Variants in SLC35F4 observed in about 807,000 individuals in gnomAD.
The protein encoded by SLC35F4 is solute carrier family 35 member F4.
Under a neutral mutation model 44.2 loss-of-function variants are expected in SLC35F4, and 24 were observed. The ratio of observed to expected loss-of-function variants is 0.54; its 90% confidence interval spans 0.39 to 0.76. The LOEUF is 0.76. Among genes scored for constraint, SLC35F4 ranks in the 30% least tolerant of loss-of-function variants. The probability of loss-of-function intolerance (pLI) is 0.00; values close to 1 mark genes in which losing one functional copy is unlikely to be tolerated. For synonymous variants in SLC35F4, 238 were observed against 223.6 expected, an observed-to-expected ratio of 1.06 and a Z score of -0.57; for missense variants, 562 against 586.1, an observed-to-expected ratio of 0.96 and a Z score of 0.42.
intron 1 of SLC35F4, among the ~76,000 whole-genome samples, chr14:57,938,737 T>C (rs1889860984): frequency 6.6e-6 from 1 of 152,152 alleles, no homozygotes; most frequent in Non-Finnish European, 1.5e-5. Flanking sequence ...TCCTGACAGG[T>C]TCTGTGGCTG....
At chr14:57,784,959 T>C (rs2077719756) in intron 1 of SLC35F4, among the ~76,000 whole-genome samples, 1 of 152,194 alleles carries the variant, frequency 6.6e-6, no homozygotes, top group African/African-American at 2.4e-5. Context: ...AATAACATTT[T>C]TTCTCTACCT....
chr14:57,921,067 A>T (rs1483480753), intron 1 of SLC35F4, among the ~76,000 whole-genome samples: 1 of 152,150 alleles, frequency 6.6e-6, no homozygotes, highest in Non-Finnish European at 1.5e-5. Context: ...CAAACTTTGT[A>T]CTCTTTTCAC....
At chr14:57,757,396 T>C (rs1453264498) in intron 1 of SLC35F4, among the ~76,000 whole-genome samples, 1 of 152,212 alleles carries the variant, frequency 6.6e-6, no homozygotes, top group Non-Finnish European at 1.5e-5. Context: ...CTCTAACATG[T>C]TGATATTTGT....
chr14:57,668,431 CT>C (rs2074395600), intron 1 of SLC35F4, among the ~76,000 whole-genome samples: 1 of 151,996 alleles, frequency 6.6e-6, no homozygotes, highest in African/African-American at 2.4e-5. Flanking sequence ...ATGGTATTGC[CT>C]GGGTTTTCTT....
At chr14:57,887,693 G>A (rs1888678576) in intron 1 of SLC35F4, among the ~76,000 whole-genome samples, 1 of 152,170 alleles carries the variant, frequency 6.6e-6, no homozygotes, top group Non-Finnish European at 1.5e-5. Flanking sequence ...CAGAGTCCCA[G>A]CAATGGAATC....
chr14:57,616,640 T>C (rs1403496337), intron 1 of SLC35F4, among the ~76,000 whole-genome samples: 2 of 152,212 alleles, frequency 1.3e-5, no homozygotes, highest in Admixed American at 1.3e-4. Context: ...TCCACTTCTT[T>C]ACTGTCTACT....
intron 1 of SLC35F4, among the ~76,000 whole-genome samples, chr14:57,932,245 T>C (rs2141066557): frequency 6.6e-6 from 1 of 152,220 alleles, no homozygotes; most frequent in African/African-American, 2.4e-5. Flanking sequence ...ATGATGAAAA[T>C]ATCTCAGTTT....
intron 1 of SLC35F4, among the ~76,000 whole-genome samples, chr14:57,919,156 A>G (rs1311769445): frequency 6.6e-6 from 1 of 152,172 alleles, no homozygotes; most frequent in Non-Finnish European, 1.5e-5. Flanking sequence ...AGTCTGAATT[A>G]CCCTAAGTAA....
intron 1 of SLC35F4, among the ~76,000 whole-genome samples, chr14:57,910,344 C>T (rs1010820905): frequency 6.6e-6 from 1 of 151,960 alleles, no homozygotes; most frequent in Non-Finnish European, 1.5e-5. Context: ...TGTATCATAC[C>T]TATGGTGTTG....
chr14:57,801,704 A>G (rs2078197615), intron 1 of SLC35F4, among the ~76,000 whole-genome samples: 1 of 152,218 alleles, frequency 6.6e-6, no homozygotes, highest in South Asian at 2.1e-4. Context: ...CAAAACAGAC[A>G]TTAAACCAAT....
At chr14:57,935,225 GTC>G (rs1300376262) in intron 1 of SLC35F4, among the ~76,000 whole-genome samples, 1 of 152,174 alleles carries the variant, frequency 6.6e-6, no homozygotes, top group Non-Finnish European at 1.5e-5. Context: ...CCCTGAGGAT[GTC>G]TCTGTTTTGT....
intron 4 of SLC35F4, chr14:57,579,534 T>C (rs1412979071): frequency 6.6e-6 from 1 of 152,144 alleles, no homozygotes; most frequent in Non-Finnish European, 1.5e-5. Flanking sequence ...AAAATATGGA[T>C]TTAATGTTGG....
intron 2 of SLC35F4, among the ~76,000 whole-genome samples, chr14:57,591,210 G>T (rs1485881564): frequency 6.6e-6 from 1 of 152,198 alleles, no homozygotes; most frequent in Non-Finnish European, 1.5e-5. Flanking sequence ...CCATGGTCTA[G>T]TGGAAAGCCA....
At chr14:57,794,692 T>C (rs1364250918) in intron 1 of SLC35F4, among the ~76,000 whole-genome samples, 2 of 152,144 alleles carry the variant, frequency 1.3e-5, no homozygotes, top group African/African-American at 4.8e-5. Context: ...AGATTTCCAA[T>C]GTCATTCATC....
intron 1 of SLC35F4, among the ~76,000 whole-genome samples, chr14:57,655,464 G>A (rs2073936524): frequency 6.6e-6 from 1 of 152,136 alleles, no homozygotes; most frequent in South Asian, 2.1e-4. Context: ...CCTCAGCGCT[G>A]TGGAGTCTTA....
intron 1 of SLC35F4, among the ~76,000 whole-genome samples, chr14:57,969,180 C>A (rs1014234991): frequency 6.6e-6 from 1 of 152,116 alleles, no homozygotes; most frequent in Non-Finnish European, 1.5e-5. Flanking sequence ...CTGGTCCAGT[C>A]CATCAAACAT....
At chr14:57,891,663 A>G (rs1032153102) in intron 1 of SLC35F4, among the ~76,000 whole-genome samples, 2 of 152,080 alleles carry the variant, frequency 1.3e-5, no homozygotes, top group Non-Finnish European at 2.9e-5. Context: ...ATATCACGAG[A>G]TCAGGAGATC....
intron 1 of SLC35F4, among the ~76,000 whole-genome samples, chr14:57,623,926 C>T (rs909342305): frequency 6.6e-6 from 1 of 152,066 alleles, no homozygotes; most frequent in Non-Finnish European, 1.5e-5. Flanking sequence ...CAAAAGCTAG[C>T]AGAAGACAAG....
chr14:57,659,198 C>T, intron 1 of SLC35F4, among the ~76,000 whole-genome samples: 1 of 152,116 alleles, frequency 6.6e-6, no homozygotes, highest in East Asian at 1.9e-4. Context: ...GTTTCCAGGA[C>T]AGCAAAGACT....
Sources: allele counts gnomAD v4.1 joint callset (sites outside exome capture counted in the v4.1 genomes callset), GRCh38; gene constraint gnomAD v4.1.1; transcripts MANE v1.5; gene names NCBI Gene and HGNC (gene_info 2026-07-23, HGNC 2026-07-21).